USP37: variants seen among roughly 807,000 people sequenced by gnomAD.
USP37 encodes ubiquitin specific peptidase 37, also known as ubiquitin carboxyl-terminal hydrolase 37.
A neutral mutation model predicts 124.0 loss-of-function variants in USP37; 27 were observed. The ratio of observed to expected loss-of-function variants is 0.22; its 90% confidence interval spans 0.16 to 0.30. USP37 has a LOEUF of 0.30. USP37 is among the 10% of genes least tolerant of loss of function. USP37 has a pLI of 1.00. For synonymous variants in USP37, 365 were observed against 388.0 expected, an observed-to-expected ratio of 0.94 and a Z score of 0.70; for missense variants, 889 against 1,140.4, an observed-to-expected ratio of 0.78 and a Z score of 3.17.
At chr2:218,504,339 C>A (rs1348208713) in intron 11 of USP37, among the ~76,000 whole-genome samples, 2 of 152,152 alleles carry the variant, frequency 1.3e-5, no homozygotes, top group African/African-American at 4.8e-5. Context: ...GCACAGAGTT[C>A]AGTTTTGCTT....
At chr2:218,464,840 T>C (rs1657892778) in intron 21 of USP37, among the ~76,000 whole-genome samples, 1 of 152,148 alleles carries the variant, frequency 6.6e-6, no homozygotes, top group Admixed American at 6.5e-5. Flanking sequence ...CCCAGCACTT[T>C]GGGAGGTTGT....
chr2:218,534,771 T>C, intron 8 of USP37, 65 bp from the exon 9 acceptor site: 2 of 1,064,608 alleles, frequency 1.9e-6, no homozygotes, highest in Non-Finnish European at 2.6e-6. Flanking sequence ...TAATTTTAAA[T>C]AGTTGTCATT....
intron 14 of USP37, among the ~76,000 whole-genome samples, chr2:218,493,381 C>A (rs192646255): frequency 9.8e-5 from 15 of 152,318 alleles, no homozygotes; most frequent in Non-Finnish European, 2.1e-4. Flanking sequence ...GATGCACATA[C>A]CTCAACTGCA....
At chr2:218,534,576 A>G in intron 9 of USP37, 33 bp downstream of exon 9, 3 of 1,313,548 alleles carry the variant, frequency 2.3e-6, no homozygotes, top group African/African-American at 1.5e-5. Flanking sequence ...ATAATAAATG[A>G]GCACCTTATT....
At chr2:218,538,585 C>T (rs1057082598) in intron 8 of USP37, among the ~76,000 whole-genome samples, 1 of 152,190 alleles carries the variant, frequency 6.6e-6, no homozygotes, top group Admixed American at 6.5e-5. Flanking sequence ...ACGTAACAGC[C>T]ATGGTGGCAG....
intron 10 of USP37, among the ~76,000 whole-genome samples, chr2:218,520,008 G>A (rs1690515154): frequency 6.6e-6 from 1 of 152,066 alleles, no homozygotes; most frequent in African/African-American, 2.4e-5. Flanking sequence ...TGCGATCTAG[G>A]CTCACTGCAA....
chr2:218,520,345 CT>C (rs542332442), intron 10 of USP37, among the ~76,000 whole-genome samples: 376 of 125,868 alleles, frequency 3.0e-3, no homozygotes, highest in African/African-American at 3.7e-3. Context: ...TTGCCAACAG[CT>C]TTTTTTTTTT....
chr2:218,532,466 C>CAAAAAAAA (rs35277725), intron 9 of USP37, among the ~76,000 whole-genome samples: 2 of 115,398 alleles, frequency 1.7e-5, no homozygotes, highest in African/African-American at 3.4e-5. Context: ...GACTCTGTCT[C>CAAAAAAAA]AAAAAAAAAA....
At chr2:218,475,466 G>C (rs1325729551) in intron 19 of USP37, among the ~76,000 whole-genome samples, 2 of 152,158 alleles carry the variant, frequency 1.3e-5, no homozygotes, top group Admixed American at 6.5e-5. Context: ...TGGGCGTGGT[G>C]GCTCATGCCT....
At position 218,495,759 on chromosome 2, in the gene USP37, C is replaced by T. The variant is rs1559185420; in HGVS notation, c.1472+1G>A. 2 of 1,606,806 alleles carry T rather than the reference C, an allele frequency of 1.2e-6. No homozygotes were observed. Among genetic ancestry groups the T allele is most frequent in the Non-Finnish European group, 1.7e-6 (2 of 1,178,136 alleles). On this transcript the variant is annotated splice_donor_variant, in intron 14 of 25. Coordinates refer to ENST00000258399, the MANE Select transcript of USP37 (RefSeq NM_020935.3). LOFTEE classifies it high-confidence loss of function. ...GAAATCATTTCTTAGACACTACTTA[C>T]GCTTTACAAATGATGGAGTGCTGAA...
intron 16 of USP37, among the ~76,000 whole-genome samples, chr2:218,484,608 C>A (rs1213115177): frequency 6.8e-6 from 1 of 148,048 alleles, no homozygotes; most frequent in Non-Finnish European, 1.5e-5. Flanking sequence ...GGGGACAGAG[C>A]AAGACTCTGT....
At position 218,455,814 on chromosome 2, in the gene USP37, G is replaced by A; in HGVS notation, c.2714-96C>T. 7 of 1,307,480 alleles carry A rather than the reference G, an allele frequency of 5.4e-6. No individual in the cohort carries two copies. The South Asian group carries it at 7.1e-5, about 13-fold the overall frequency. The allele number at this position is 1,307,480 out of a possible 1,614,324, so 81.0% of individuals were successfully genotyped here. A position where few individuals can be genotyped will look rare whatever the true frequency, so the allele number is the denominator to read the frequency against. ...TGTAATCTCAGCACTTTGGGAGGCT[G>A]AGGCAGGCGGATCACGAGGTCAGGA... is the stretch of plus-strand genomic sequence containing the variant. On this transcript the variant is annotated intron_variant, in intron 24 of 25. Coordinates refer to ENST00000258399, the MANE Select transcript of USP37 (RefSeq NM_020935.3).
intron 17 of USP37, among the ~76,000 whole-genome samples, chr2:218,481,394 A>G (rs1180848234): frequency 1.3e-5 from 2 of 152,122 alleles, no homozygotes; most frequent in Non-Finnish European, 2.9e-5. Flanking sequence ...TCTCAGACCT[A>G]CTGAAACAGA....
intron 8 of USP37, among the ~76,000 whole-genome samples, chr2:218,535,190 C>T (rs1020627964): frequency 1.3e-5 from 2 of 151,290 alleles, no homozygotes; most frequent in Non-Finnish European, 2.9e-5. Flanking sequence ...ATAGTGAAAC[C>T]CCGTCTCAAC....
intron 2 of USP37, among the ~76,000 whole-genome samples, chr2:218,561,937 T>C (rs1170601289): frequency 3.9e-5 from 6 of 152,208 alleles, no homozygotes; most frequent in Non-Finnish European, 5.9e-5. Flanking sequence ...ACAGAGGTCA[T>C]GTCTAGAGGA....
At chr2:218,564,787 A>C (rs1693497040) in intron 1 of USP37, among the ~76,000 whole-genome samples, 1 of 152,120 alleles carries the variant, frequency 6.6e-6, no homozygotes. Context: ...TCCCAAACTA[A>C]ATAGCTCATC....
chr2:218,553,351 GTCCT>G (rs1348308547), intron 5 of USP37, among the ~76,000 whole-genome samples, 198 bp downstream of exon 5: 3 of 152,142 alleles, frequency 2.0e-5, no homozygotes, highest in Non-Finnish European at 4.4e-5. Context: ...TGTGGTTTTC[GTCCT>G]TCATTTGTCA....
At chr2:218,539,485 C>T (rs143277993) in intron 8 of USP37, among the ~76,000 whole-genome samples, 437 of 151,038 alleles carry the variant, frequency 2.9e-3, no homozygotes, top group African/African-American at 1.0e-2. Context: ...GAGGCTGAGG[C>T]GGGCAGATCA....
intron 5 of USP37, among the ~76,000 whole-genome samples, chr2:218,551,919 A>G (rs1056216248): frequency 7.9e-5 from 12 of 151,990 alleles, no homozygotes; most frequent in Non-Finnish European, 7.4e-5. Flanking sequence ...CAGCCTCCCA[A>G]GTAGCTGGGA....
Sources: allele counts gnomAD v4.1 joint callset (sites outside exome capture counted in the v4.1 genomes callset), GRCh38; gene constraint gnomAD v4.1.1; transcripts MANE v1.5; gene names NCBI Gene and HGNC (gene_info 2026-07-23, HGNC 2026-07-21).